Variants in HDGFL3 observed in about 807,000 individuals in gnomAD.
HDGFL3 encodes the protein hepatoma-derived growth factor-related protein 3.
A neutral mutation model predicts 27.6 loss-of-function variants in HDGFL3; 6 were observed. The ratio of observed to expected loss-of-function variants is 0.22; its 90% confidence interval spans 0.12 to 0.43. The LOEUF (loss-of-function observed/expected upper bound fraction) is 0.43. Ranked by LOEUF, HDGFL3 falls within the 20% of genes least tolerant of loss-of-function variation. The pLI is 1.00. For synonymous variants in HDGFL3, 88 were observed against 88.9 expected, an observed-to-expected ratio of 0.99 and a Z score of 0.05; for missense variants, 207 against 250.1, an observed-to-expected ratio of 0.83 and a Z score of 1.16.
At chr15:83,189,984 T>C (rs531539308) in intron 1 of HDGFL3, among the ~76,000 whole-genome samples, 102 of 152,214 alleles carry the variant, frequency 6.7e-4, no homozygotes, top group African/African-American at 2.1e-3. Flanking sequence ...TGTGGGATCA[T>C]TGCTTGAGCC....
intron 1 of HDGFL3, among the ~76,000 whole-genome samples, chr15:83,204,378 A>T (rs2037690457): frequency 6.6e-6 from 1 of 152,136 alleles, no homozygotes; most frequent in Admixed American, 6.5e-5. Context: ...CCACTAGGTT[A>T]ATGGCATGCA....
chr15:83,156,945 C>T (rs1029414166), intron 4 of HDGFL3, among the ~76,000 whole-genome samples: 2 of 152,156 alleles, frequency 1.3e-5, no homozygotes, highest in African/African-American at 4.8e-5. Context: ...GATCCGCCTG[C>T]CTCAGCCTCC....
intron 2 of HDGFL3, among the ~76,000 whole-genome samples, chr15:83,162,025 C>T (rs911192889): frequency 6.6e-6 from 1 of 152,140 alleles, no homozygotes; most frequent in African/African-American, 2.4e-5. Context: ...AAATTCTGGT[C>T]GTGCCTAGGG....
intron 1 of HDGFL3, among the ~76,000 whole-genome samples, chr15:83,176,658 T>C (rs1043269290): frequency 1.3e-5 from 2 of 152,236 alleles, no homozygotes; most frequent in African/African-American, 2.4e-5. Flanking sequence ...CTTATAGACT[T>C]TGGGGAAGAA....
rs192434671 is a variant in HDGFL3, at chr15:83,158,723, C to A, written c.162-682G>T. On this transcript the variant is annotated intron_variant, in intron 2 of 5. Transcript: ENST00000299633. The stretch of plus-strand genomic sequence containing the variant: ...TATCTCTGTTATCAGATGGAAAAAT[C>A]ATAGTATATATAGGTTTCATACTAT... Among the ~76,000 whole-genome samples the A allele has an allele frequency of 2.0e-3, 303 of 152,288 alleles. 1 individual carries two copies. Among genetic ancestry groups the A allele is most frequent in the African/African-American group, 7.0e-3 (290 of 41,554 alleles).
chr15:83,193,456 T>C (rs2041074293), intron 1 of HDGFL3, among the ~76,000 whole-genome samples: 1 of 152,158 alleles, frequency 6.6e-6, no homozygotes, highest in Non-Finnish European at 1.5e-5. Flanking sequence ...GTAAAGAAAT[T>C]GGAACCCTTG....
At chr15:83,148,673 T>G (rs2036930259) in intron 5 of HDGFL3, among the ~76,000 whole-genome samples, 1 of 151,594 alleles carries the variant, frequency 6.6e-6, no homozygotes. Flanking sequence ...ACAACCCAAC[T>G]GCCCATCAAT....
downstream of HDGFL3, chr15:83,127,628 G>A (rs952555448): frequency 9.9e-5 from 77 of 777,930 alleles, no homozygotes; most frequent in Non-Finnish European, 1.3e-4. Flanking sequence ...AGACATTTCT[G>A]CAAGTACATT....
chr15:83,206,680 G>A (rs1309373663), intron 1 of HDGFL3, among the ~76,000 whole-genome samples: 1 of 152,218 alleles, frequency 6.6e-6, no homozygotes, highest in Non-Finnish European at 1.5e-5. Context: ...CCAGTCAGAG[G>A]TAGGCTGCAA....
At chr15:83,187,849 T>C (rs989308577) in intron 1 of HDGFL3, among the ~76,000 whole-genome samples, 1 of 140,414 alleles carries the variant, frequency 7.1e-6, no homozygotes, top group African/African-American at 2.7e-5. Flanking sequence ...ATTGTGCCAG[T>C]GCACTCTGGC....
chr15:83,165,211 T>C (rs1439604764), intron 1 of HDGFL3, among the ~76,000 whole-genome samples: 1 of 152,208 alleles, frequency 6.6e-6, no homozygotes, highest in African/African-American at 2.4e-5. Context: ...ATTAGCTTCA[T>C]TGTAAATCCA....
chr15:83,206,427 G>C (rs538938343), intron 1 of HDGFL3, among the ~76,000 whole-genome samples: 3 of 152,252 alleles, frequency 2.0e-5, no homozygotes, highest in Non-Finnish European at 2.9e-5. Flanking sequence ...AAAATAAAAA[G>C]GATTTCTTCT....
At position 83,138,946 on chromosome 15, in the gene HDGFL3, G is replaced by T. The variant is rs2036711594; in HGVS notation, c.*324C>A. The T allele has an allele frequency of 9.9e-6, 2 of 202,858 alleles. No homozygotes were observed. The highest frequency in any genetic ancestry group is 3.8e-4 in the South Asian group (2 of 5,294). 12.6% of individuals were successfully genotyped at this position (202,858 alleles called of 1,614,324 possible). ...TTTGATGATGGTGGGGTCAAGGCAGGAAAACGATGATCATAACTGCCTTGA... is the reference window on the plus strand; with the variant it reads ...TTTGATGATGGTGGGGTCAAGGCAGTAAAACGATGATCATAACTGCCTTGA... On this transcript the variant is annotated 3_prime_UTR_variant, in exon 6 of 6. Coordinates refer to ENST00000299633, the MANE Select transcript of HDGFL3 (RefSeq NM_016073.4).
exon 4 of HDGFL3, chr15:83,114,789 C>G (rs1164250260): frequency 6.6e-6 from 1 of 152,222 alleles, no homozygotes; most frequent in Non-Finnish European, 1.5e-5. Context: ...GCAGCTTTGA[C>G]AAACTAACAT....
In HDGFL3 at chr15:83,122,723, T is replaced by C. The variant is rs191037913; in HGVS notation, c.394-6982A>G. On this transcript the variant is annotated intron_variant, in intron 3 of 3. Transcript: ENST00000568294. ...ATATTACTTGTGTTAGATATGCTTT[T>C]GGTAACTTCTTTCTCTTTCTCTCTT... 13 of 1,607,030 alleles carry C rather than the reference T, an allele frequency of 8.1e-6. No homozygotes were observed. In the Admixed American group the frequency reaches 1.4e-4, roughly 17 times the overall value.
At position 83,136,266 on chromosome 15, in the gene HDGFL3, G is replaced by T. The variant is rs1446241248; in HGVS notation, c.*3004C>A. 1 of 413,134 alleles carries T rather than the reference G, an allele frequency of 2.4e-6. No individual in the cohort carries two copies. The highest frequency in any genetic ancestry group is 2.0e-5 in the African/African-American group (1 of 49,098). The allele number at this position is 413,134 out of a possible 1,614,324, so 25.6% of individuals were successfully genotyped here. A position where few individuals can be genotyped will look rare whatever the true frequency, so the allele number is the denominator to read the frequency against. ...AAATAATATCTACTTTATTTGAACA[G>T]TCATATCAAGAATGGCCCTAAATTT... On this transcript the variant is annotated 3_prime_UTR_variant, in exon 6 of 6. Coordinates refer to ENST00000299633, the MANE Select transcript of HDGFL3 (RefSeq NM_016073.4).
At position 83,129,018 on chromosome 15, in the gene HDGFL3, A is replaced by G. The variant is rs1007269377; in HGVS notation, c.*10252T>C. On this transcript the variant is annotated 3_prime_UTR_variant, in exon 6 of 6. Coordinates refer to ENST00000299633, the MANE Select transcript of HDGFL3 (RefSeq NM_016073.4). ...GCTAATTTTTAAATTTTTTAAAGAG[A>G]TGGGATCTTATTTTGTTGCCCAGCT... The G allele has an allele frequency of 1.3e-5, 2 of 152,068 alleles. No homozygotes were observed. Among genetic ancestry groups the G allele is most frequent in the African/African-American group, 4.8e-5 (2 of 41,404 alleles). The allele number at this position is 152,068 out of a possible 1,614,324, so 9.4% of individuals were successfully genotyped here. A position where few individuals can be genotyped will look rare whatever the true frequency, so the allele number is the denominator to read the frequency against.
intron 4 of HDGFL3, 131 bp from the exon 5 acceptor site, chr15:83,151,492 G>T: frequency 1.5e-6 from 1 of 684,336 alleles, no homozygotes; most frequent in Non-Finnish European, 2.3e-6. Context: ...GACACAACAT[G>T]TAGTATGCCA....
Position 83,207,614 on chromosome 15 carries a change from G to T in HDGFL3, c.-200C>A. 3.6e-6 allele frequency: 1 copy of T among 281,166 alleles called. No individual in the cohort carries two copies. The highest frequency in any genetic ancestry group is 6.5e-6 in the Non-Finnish European group (1 of 153,962). The allele number at this position is 281,166 out of a possible 1,614,324, so 17.4% of individuals were successfully genotyped here. ...GGGCGCAGCAGGCCCGGCAAATCAC[G>T]GCCCGGCAGCGGGGGAGGGGAGCCC... On this transcript the variant is annotated 5_prime_UTR_variant, in exon 1 of 6. Coordinates refer to ENST00000299633, the MANE Select transcript of HDGFL3 (RefSeq NM_016073.4). The surrounding 1 kb of genome is among the most constrained non-coding windows in gnomAD (Gnocchi z 4.8).
Sources: gnomAD v4.1 joint callset for allele counts (sites outside exome capture counted in the v4.1 genomes callset) on GRCh38, gnomAD v4.1.1 for gene constraint, Gnocchi (gnomAD v3.1) non-coding constraint, MANE v1.5 for transcripts, NCBI Gene and HGNC (gene_info 2026-07-23, HGNC 2026-07-21) for gene names.